ATG5: variants seen among roughly 807,000 people sequenced by gnomAD.
ATG5 encodes autophagy related 5, also known as autophagy protein 5.
ATG5 carries 14 observed loss-of-function variants against 36.5 expected under a neutral mutation model. That is an observed-to-expected ratio of 0.38 (90% confidence interval 0.25 to 0.60). ATG5 has a LOEUF of 0.60. Among genes scored for constraint, ATG5 ranks in the 20% least tolerant of loss-of-function variants. The pLI, the probability that ATG5 is intolerant of heterozygous loss-of-function variation, is 0.60. For missense variants in ATG5, 195 were observed against 326.7 expected, an observed-to-expected ratio of 0.60 and a Z score of 3.11; for synonymous variants, 95 against 101.5, an observed-to-expected ratio of 0.94 and a Z score of 0.38.
At chr6:106,315,604 G>C (rs570307395) in intron 2 of ATG5, among the ~76,000 whole-genome samples, 55 of 151,938 alleles carry the variant, frequency 3.6e-4, no homozygotes, top group African/African-American at 1.3e-3. Flanking sequence ...CTCAGTGAAC[G>C]TATCGTGTGT....
intron 4 of ATG5, among the ~76,000 whole-genome samples, chr6:106,290,459 T>A (rs931986102): frequency 4.6e-5 from 7 of 151,910 alleles, no homozygotes; most frequent in Admixed American, 4.6e-4. Context: ...TAGCTAGGAC[T>A]ACAGGTGCAC....
chr6:106,222,782 T>C (rs1481360976), intron 6 of ATG5, among the ~76,000 whole-genome samples: 2 of 152,296 alleles, frequency 1.3e-5, no homozygotes, highest in East Asian at 3.9e-4. Flanking sequence ...CAATGACCAA[T>C]CTTTTTCTCA....
chr6:106,224,982 T>C (rs969765013), intron 6 of ATG5, among the ~76,000 whole-genome samples: 2 of 152,094 alleles, frequency 1.3e-5, no homozygotes, highest in African/African-American at 2.4e-5. Flanking sequence ...AACAAAAGAA[T>C]ACAGGAGGCA....
At chr6:106,241,349 T>C (rs1198130189) in intron 6 of ATG5, among the ~76,000 whole-genome samples, 1 of 152,112 alleles carries the variant, frequency 6.6e-6, no homozygotes, top group African/African-American at 2.4e-5. Flanking sequence ...AAATAATAAA[T>C]ATTGGTGAAG....
chr6:106,212,118 ATG>A (rs1776874514), intron 6 of ATG5, among the ~76,000 whole-genome samples: 1 of 152,364 alleles, frequency 6.6e-6, no homozygotes, highest in African/African-American at 2.4e-5. Flanking sequence ...AAGTAGTACT[ATG>A]TGTTATTTAA....
chr6:106,265,932 A>T (rs577677072), intron 5 of ATG5, among the ~76,000 whole-genome samples: 37 of 152,274 alleles, frequency 2.4e-4, no homozygotes, highest in African/African-American at 8.9e-4. Flanking sequence ...TCACAATCAA[A>T]AGAATTAGAG....
At chr6:106,233,531 C>T (rs774432169) in intron 6 of ATG5, among the ~76,000 whole-genome samples, 18 of 152,104 alleles carry the variant, frequency 1.2e-4, no homozygotes, top group Non-Finnish European at 1.9e-4. Flanking sequence ...TTACACAGGT[C>T]GATGAGCTTG....
At chr6:106,288,943 T>G (rs1780195196) in intron 4 of ATG5, among the ~76,000 whole-genome samples, 1 of 152,134 alleles carries the variant, frequency 6.6e-6, no homozygotes, top group African/African-American at 2.4e-5. Flanking sequence ...AATGTGTGTG[T>G]GTGTGTGGCA....
At chr6:106,193,357 TTTA>T (rs1250812177) in intron 7 of ATG5, among the ~76,000 whole-genome samples, 17 of 152,208 alleles carry the variant, frequency 1.1e-4, no homozygotes, top group Admixed American at 3.3e-4. Context: ...ATTTTATATC[TTTA>T]TTATATTTTC....
chr6:106,280,158 G>A (rs754271509), intron 4 of ATG5, among the ~76,000 whole-genome samples: 1 of 151,208 alleles, frequency 6.6e-6, no homozygotes, highest in South Asian at 2.1e-4. Flanking sequence ...ATGTAAAATA[G>A]TATAACCACT....
chr6:106,259,531 G>A (rs1012215590), intron 5 of ATG5, among the ~76,000 whole-genome samples: 27 of 152,114 alleles, frequency 1.8e-4, no homozygotes, highest in African/African-American at 6.0e-4. Flanking sequence ...TATTATAATT[G>A]TAAAGCATTT....
chr6:106,272,023 G>T lies in ATG5; in HGVS notation c.478+7638C>A, dbSNP rs1023796097. 2.6e-5 allele frequency among the ~76,000 whole-genome samples: 4 copies of T among 152,124 alleles called. No individual in the cohort carries two copies. The South Asian group carries it at 8.3e-4, about 32-fold the overall frequency. On this transcript the variant is annotated intron_variant, in intron 5 of 7. Coordinates refer to ENST00000369076, the MANE Select transcript of ATG5 (RefSeq NM_004849.4). ...CATTTAATGTCATCCAATCAGTGAG[G>T]ACTTCCCTGACCATCCTATTTAAAA...
chr6:106,278,930 T>G (rs1269151847), intron 5 of ATG5, among the ~76,000 whole-genome samples: 1 of 152,234 alleles, frequency 6.6e-6, no homozygotes, highest in Non-Finnish European at 1.5e-5. Flanking sequence ...CAATAAAGTT[T>G]GCATTTTATG....
chr6:106,276,706 CT>C lies in ATG5; in HGVS notation c.478+2954del, dbSNP rs377603167. On this transcript the variant is annotated intron_variant, in intron 5 of 7. Transcript: ENST00000369076. ...ATAGACTCTAAGAACACCTACTTAA[CT>C]GTCTAATTAAATTATTAACTTCAAT... 8.1e-3 allele frequency among the ~76,000 whole-genome samples: 1,235 copies of C among 152,300 alleles called. 5 individuals are homozygous for C. Among genetic ancestry groups the C allele is most frequent in the Middle Eastern group, 0.024 (7 of 294 alleles).
intron 1 of ATG5, among the ~76,000 whole-genome samples, chr6:106,319,040 C>G (rs890494653): frequency 6.6e-6 from 1 of 152,118 alleles, no homozygotes; most frequent in African/African-American, 2.4e-5. Flanking sequence ...GAGCCAAAAC[C>G]AGCTCCACCA....
rs775992466 is a variant in ATG5, at chr6:106,308,489, C to G, written c.111G>C (p.Leu37Phe). 1 of 1,550,638 alleles carries G rather than the reference C, an allele frequency of 6.4e-7. No individual in the cohort carries two copies. The highest frequency in any genetic ancestry group is 8.7e-7 in the Non-Finnish European group (1 of 1,152,048). Residue 37 changes from leucine (L) to phenylalanine (F), a missense_variant and splice_region_variant, in exon 3 of 8, where the codon TTG becomes TTC. Coordinates refer to ENST00000369076, the MANE Select transcript of ATG5 (RefSeq NM_004849.4). ...ITEREAEPYY[L>F]LLPRVSYLTL... is the part of the protein sequence containing the mutation. ...TCAAATAACTTACTCTTGGCAAAAG[C>G]AACTGAAATGAAAATTTGTAAAACC...
chr6:106,318,639 G>A (rs1226216562), intron 1 of ATG5, among the ~76,000 whole-genome samples: 1 of 152,140 alleles, frequency 6.6e-6, no homozygotes, highest in Non-Finnish European at 1.5e-5. Flanking sequence ...CTCAAGGGAA[G>A]AACTAACTCA....
intron 2 of ATG5, among the ~76,000 whole-genome samples, chr6:106,312,011 T>C (rs1770664153): frequency 6.6e-6 from 1 of 152,076 alleles, no homozygotes; most frequent in Non-Finnish European, 1.5e-5. Flanking sequence ...TTTGTATTTT[T>C]AGTAGAGATG....
chr6:106,306,729 T>C (rs1770461130), intron 3 of ATG5, among the ~76,000 whole-genome samples: 2 of 152,212 alleles, frequency 1.3e-5, no homozygotes, highest in Admixed American at 6.5e-5. Flanking sequence ...TACATCCCAT[T>C]GCTACTCTCC....
Sources: allele counts gnomAD v4.1 joint callset (sites outside exome capture counted in the v4.1 genomes callset), GRCh38; gene constraint gnomAD v4.1.1; transcripts MANE v1.5; gene names NCBI Gene and HGNC (gene_info 2026-07-23, HGNC 2026-07-21).